Variants in RNF228 observed in about 807,000 individuals in gnomAD.
RNF228 encodes the protein ring finger protein 228.
the RNF228 span, chr2:222,318,680 T>C: frequency 2.0e-5 from 3 of 152,346 alleles, no homozygotes; most frequent in East Asian, 5.8e-4. Flanking sequence ...TGCAGATCTT[T>C]GTGCTCTAGG....
chr2:222,315,861 A>T, the RNF228 span, among the ~76,000 whole-genome samples: 1 of 152,174 alleles, frequency 6.6e-6, no homozygotes, highest in Non-Finnish European at 1.5e-5. Context: ...TGAAATGTAG[A>T]TCCTATGAAA....
At chr2:222,320,007 C>G in the RNF228 span, among the ~76,000 whole-genome samples, 2 of 152,178 alleles carry the variant, frequency 1.3e-5, no homozygotes, top group East Asian at 1.9e-4. Flanking sequence ...CTCCCGGCTC[C>G]CGGGGCTGCT....
At chr2:222,319,346 G>A in the RNF228 span, 3 of 354,042 alleles carry the variant, frequency 8.5e-6, no homozygotes, top group South Asian at 4.0e-4. This position sits in a 1 kb window ranked among gnomAD's most constrained non-coding sequence, Gnocchi z 7.6. Context: ...AGAGGAAGGA[G>A]AAGACCACGC....
the RNF228 span, among the ~76,000 whole-genome samples, chr2:222,319,619 C>T: frequency 1.4e-5 from 2 of 146,070 alleles, no homozygotes; most frequent in Non-Finnish European, 3.0e-5. The surrounding 1 kb of genome is among the most constrained non-coding windows in gnomAD (Gnocchi z 7.6). Flanking sequence ...GCAAAGCCAG[C>T]GGGAAGGCCT....
the RNF228 span, among the ~76,000 whole-genome samples, chr2:222,315,743 GAC>G: frequency 1.3e-5 from 2 of 152,186 alleles, no homozygotes; most frequent in Non-Finnish European, 2.9e-5. Flanking sequence ...TGCAGATACT[GAC>G]CCCAAATCCA....
the RNF228 span, among the ~76,000 whole-genome samples, chr2:222,319,722 G>C: frequency 6.2e-5 from 9 of 145,862 alleles, no homozygotes; most frequent in Non-Finnish European, 4.6e-5. This position sits in a 1 kb window ranked among gnomAD's most constrained non-coding sequence, Gnocchi z 7.6. Context: ...GGCGCCGGGC[G>C]GGCAGAGCCA....
the RNF228 span, among the ~76,000 whole-genome samples, chr2:222,314,865 T>A: frequency 6.6e-6 from 1 of 152,218 alleles, no homozygotes; most frequent in Admixed American, 6.5e-5. Flanking sequence ...TGTGCTTTTT[T>A]CCCAGTTACG....
At chr2:222,314,752 C>T in the RNF228 span, among the ~76,000 whole-genome samples, 5 of 152,102 alleles carry the variant, frequency 3.3e-5, no homozygotes, top group Admixed American at 6.6e-5. Flanking sequence ...CTATGAATAA[C>T]GATTTATTAA....
chr2:222,318,650 C>A, the RNF228 span: 1 of 152,346 alleles, frequency 6.6e-6, no homozygotes, highest in East Asian at 1.9e-4. Context: ...GTGGGGCTCC[C>A]CCTCCCCTTG....
chr2:222,316,336 A>T, the RNF228 span, among the ~76,000 whole-genome samples: 1 of 152,144 alleles, frequency 6.6e-6, no homozygotes, highest in African/African-American at 2.4e-5. Flanking sequence ...AGCCACAGAA[A>T]ATCTCTCTCC....
chr2:222,317,583 G>A, the RNF228 span: 1 of 151,980 alleles, frequency 6.6e-6, no homozygotes, highest in Non-Finnish European at 1.5e-5. Context: ...TAAAAAAAAA[G>A]GCATCTAACC....
At chr2:222,319,521 G>A in the RNF228 span, among the ~76,000 whole-genome samples, 14 of 145,216 alleles carry the variant, frequency 9.6e-5, no homozygotes, top group African/African-American at 3.5e-4. The surrounding 1 kb of genome is among the most constrained non-coding windows in gnomAD (Gnocchi z 7.6). Flanking sequence ...TGGCGGGGCC[G>A]GGGTGGGCGG....
the RNF228 span, among the ~76,000 whole-genome samples, chr2:222,315,079 T>TG: frequency 8.0e-5 from 1 of 12,542 alleles, no homozygotes; most frequent in Non-Finnish European, 2.2e-4. Flanking sequence ...GCCATAAGTA[T>TG]TTTTTTTTTT....
At chr2:222,315,604 T>C in the RNF228 span, among the ~76,000 whole-genome samples, 2 of 152,112 alleles carry the variant, frequency 1.3e-5, no homozygotes, top group African/African-American at 4.8e-5. Flanking sequence ...CTCCATGAGG[T>C]AGGGGGCGCT....
At chr2:222,318,776 C>CT in the RNF228 span, 1 of 150,226 alleles carries the variant, frequency 6.7e-6, no homozygotes, top group African/African-American at 2.4e-5. Flanking sequence ...AAGAGACCCC[C>CT]CCCCCCCACC....
the RNF228 span, among the ~76,000 whole-genome samples, chr2:222,316,687 A>G: frequency 6.6e-6 from 1 of 152,256 alleles, no homozygotes; most frequent in Non-Finnish European, 1.5e-5. Flanking sequence ...TGTTACCAGT[A>G]TGCATATATT....
At chr2:222,314,549 G>T in the RNF228 span, among the ~76,000 whole-genome samples, 1 of 152,228 alleles carries the variant, frequency 6.6e-6, no homozygotes, top group African/African-American at 2.4e-5. Context: ...CAAGCATGCA[G>T]TTCATTGTCC....
the RNF228 span, among the ~76,000 whole-genome samples, chr2:222,319,995 C>T: frequency 6.6e-6 from 1 of 152,142 alleles, no homozygotes. This position sits in a 1 kb window ranked among gnomAD's most constrained non-coding sequence, Gnocchi z 7.6. Context: ...GACCCCAGCT[C>T]CCTCCCGGCT....
the RNF228 span, chr2:222,319,281 C>A: frequency 1.2e-5 from 4 of 341,660 alleles, no homozygotes; most frequent in Non-Finnish European, 2.1e-5. This position sits in a 1 kb window ranked among gnomAD's most constrained non-coding sequence, Gnocchi z 7.6. Context: ...GGGGGTTCCC[C>A]CGCCGCCGTA....
Sources: allele counts gnomAD v4.1 joint callset (sites outside exome capture counted in the v4.1 genomes callset), GRCh38; gene constraint gnomAD v4.1.1; non-coding constraint Gnocchi (gnomAD v3.1); transcripts MANE v1.5; gene names NCBI Gene and HGNC (gene_info 2026-07-23, HGNC 2026-07-21).